The following NRXN1 variants were observed in gnomAD, a reference collection of about 807,000 sequenced individuals.
NRXN1 encodes neurexin-1.
Under a neutral mutation model 150.9 loss-of-function variants are expected in NRXN1, and 39 were observed. The observed-to-expected ratio is 0.26, with a 90% confidence interval of 0.20 to 0.34. NRXN1 has a LOEUF of 0.34. Among genes scored for constraint, NRXN1 ranks in the 10% least tolerant of loss-of-function variants. The probability of loss-of-function intolerance (pLI) is 1.00; values close to 1 mark genes in which losing one functional copy is unlikely to be tolerated. For missense variants in NRXN1, 1,815 were observed against 1,949.9 expected (o/e 0.93, Z 1.30); for synonymous variants, 924 against 757.0 (o/e 1.22, Z -3.62).
At chr2:50,592,858 G>A (rs1674515750) in intron 8 of NRXN1, among the ~76,000 whole-genome samples, 1 of 152,192 alleles carries the variant, frequency 6.6e-6, no homozygotes, top group African/African-American at 2.4e-5. Context: ...CAAGTGCAGA[G>A]AACAAAACTT....
At chr2:50,138,559 C>G in intron 18 of NRXN1, among the ~76,000 whole-genome samples, 1 of 152,156 alleles carries the variant, frequency 6.6e-6, no homozygotes, top group East Asian at 1.9e-4. Context: ...CAATAGAATT[C>G]AAATGTAAAT....
chr2:50,406,888 T>A (rs568792479), intron 17 of NRXN1, among the ~76,000 whole-genome samples: 33 of 151,504 alleles, frequency 2.2e-4, no homozygotes, highest in African/African-American at 8.0e-4. Flanking sequence ...TCCTTTTTCA[T>A]AGTGAATCTT....
At chr2:50,374,466 T>C (rs980025399) in intron 17 of NRXN1, among the ~76,000 whole-genome samples, 1 of 152,016 alleles carries the variant, frequency 6.6e-6, no homozygotes, top group Non-Finnish European at 1.5e-5. Context: ...CTATCAACCA[T>C]CATAAATAAA....
chr2:50,086,175 A>G (rs1353625448), intron 19 of NRXN1, among the ~76,000 whole-genome samples: 1 of 152,244 alleles, frequency 6.6e-6, no homozygotes, highest in Non-Finnish European at 1.5e-5. Context: ...TTAAACAAAT[A>G]TTAAAAAATC....
intron 18 of NRXN1, among the ~76,000 whole-genome samples, chr2:50,097,929 G>A (rs1700460042): frequency 6.6e-6 from 1 of 152,056 alleles, no homozygotes; most frequent in Admixed American, 6.6e-5. Context: ...GTGAGCCACT[G>A]CCCCCAGCCA....
At chr2:50,052,733 TG>T (rs763718680) in intron 21 of NRXN1, among the ~76,000 whole-genome samples, 2 of 152,160 alleles carry the variant, frequency 1.3e-5, no homozygotes, top group African/African-American at 4.8e-5. Flanking sequence ...ACCAATAGAA[TG>T]TTTTTTTATT....
intron 15 of NRXN1, 145 bp from the exon 16 acceptor site, chr2:50,472,616 T>C: frequency 1.6e-6 from 1 of 608,628 alleles, no homozygotes; most frequent in South Asian, 2.4e-5. Context: ...CCCAAAGTGC[T>C]AAACAATAGA....
intron 5 of NRXN1, among the ~76,000 whole-genome samples, chr2:50,800,875 T>C (rs192474289): frequency 1.3e-5 from 2 of 152,262 alleles, no homozygotes; most frequent in African/African-American, 4.8e-5. Flanking sequence ...ATAGCACTTG[T>C]TACAAAAATC....
chr2:50,304,536 A>C (rs1272095036), intron 17 of NRXN1, among the ~76,000 whole-genome samples: 1 of 152,208 alleles, frequency 6.6e-6, no homozygotes, highest in Admixed American at 6.5e-5. Context: ...ATTTGTGCTC[A>C]GGGACTTCTT....
intron 22 of NRXN1, among the ~76,000 whole-genome samples, chr2:49,940,768 G>A (rs1671841432): frequency 6.6e-6 from 1 of 152,160 alleles, no homozygotes; most frequent in Non-Finnish European, 1.5e-5. Context: ...AAAAGCTAAT[G>A]TAGAAAGAGA....
chr2:50,031,382 A>C (rs965952792), intron 21 of NRXN1, among the ~76,000 whole-genome samples: 1 of 152,002 alleles, frequency 6.6e-6, no homozygotes, highest in South Asian at 2.1e-4. Context: ...TATATATCTA[A>C]ATTATCTTGC....
intron 5 of NRXN1, chr2:50,829,642 G>T (rs931967940): frequency 6.2e-7 from 1 of 1,611,792 alleles, no homozygotes; most frequent in East Asian, 2.2e-5. Context: ...CCAGTAGCCA[G>T]GTTGGTACGG....
At chr2:50,474,683 CAAAAAAAAA>C (rs754558377) in intron 15 of NRXN1, among the ~76,000 whole-genome samples, 1 of 54,992 alleles carries the variant, frequency 1.8e-5, no homozygotes, top group African/African-American at 8.2e-5. Flanking sequence ...ACAGAAATAG[CAAAAAAAAA>C]AAAAAAAAAA....
At chr2:50,386,852 T>A (rs1456381706) in intron 17 of NRXN1, among the ~76,000 whole-genome samples, 1 of 152,186 alleles carries the variant, frequency 6.6e-6, no homozygotes, top group African/African-American at 2.4e-5. Context: ...TTGTATTTAG[T>A]GTTATGCTGC....
chr2:50,062,449 T>C (rs1158764119), intron 19 of NRXN1, among the ~76,000 whole-genome samples: 1 of 152,184 alleles, frequency 6.6e-6, no homozygotes, highest in Non-Finnish European at 1.5e-5. Flanking sequence ...AATAAACTTT[T>C]ATTGTTTTTA....
intron 5 of NRXN1, among the ~76,000 whole-genome samples, chr2:50,749,022 G>C (rs1346699949): frequency 6.6e-6 from 1 of 152,052 alleles, no homozygotes; most frequent in Non-Finnish European, 1.5e-5. Flanking sequence ...GCTTTGTAAA[G>C]CACTGGTCTA....
chr2:50,784,446 T>A (rs1311043619), intron 5 of NRXN1, among the ~76,000 whole-genome samples: 1 of 151,830 alleles, frequency 6.6e-6, no homozygotes, highest in East Asian at 1.9e-4. Context: ...AAGAAGAATG[T>A]GGAGGATGTT....
chr2:50,548,433 T>A (rs2093541208), intron 9 of NRXN1, among the ~76,000 whole-genome samples: 1 of 151,770 alleles, frequency 6.6e-6, no homozygotes, highest in Admixed American at 6.6e-5. Flanking sequence ...TTTCAGAAAG[T>A]AATGTAATTT....
intron 17 of NRXN1, among the ~76,000 whole-genome samples, chr2:50,305,524 G>A (rs2074536657): frequency 6.6e-6 from 1 of 152,098 alleles, no homozygotes; most frequent in African/African-American, 2.4e-5. Context: ...TAAGATTTAA[G>A]TCACAATTTC....
Sources: gnomAD v4.1 joint callset for allele counts (sites outside exome capture counted in the v4.1 genomes callset) on GRCh38, gnomAD v4.1.1 for gene constraint, MANE v1.5 for transcripts, NCBI Gene and HGNC (gene_info 2026-07-23, HGNC 2026-07-21) for gene names.